The following IMMT variants were observed in gnomAD, a reference collection of about 807,000 sequenced individuals.
IMMT encodes MICOS complex subunit MIC60.
Under a neutral mutation model 92.7 loss-of-function variants are expected in IMMT, and 40 were observed. The observed-to-expected ratio is 0.43, with a 90% CI of 0.34 to 0.56. IMMT has a LOEUF of 0.56. Among genes scored for constraint, IMMT ranks in the 20% least tolerant of loss-of-function variants. The probability of loss-of-function intolerance (pLI) is 0.03; values close to 1 mark genes in which losing one functional copy is unlikely to be tolerated. For synonymous variants in IMMT, 322 were observed against 336.1 expected, an observed-to-expected ratio of 0.96 and a Z score of 0.46; for missense variants, 831 against 912.1, an observed-to-expected ratio of 0.91 and a Z score of 1.14.
Position 86,144,150 on chromosome 2 carries a change from A to C in IMMT, c.*118T>G. 9.3e-7 allele frequency: 1 copy of C among 1,074,736 alleles called. No homozygotes were observed. The highest frequency in any genetic ancestry group is 1.3e-6 in the Non-Finnish European group (1 of 751,122). The allele number at this position is 1,074,736 out of a possible 1,614,324, so 66.6% of individuals were successfully genotyped here. A position where few individuals can be genotyped will look rare whatever the true frequency, so the allele number is the denominator to read the frequency against. On this transcript the variant is annotated 3_prime_UTR_variant, in exon 15 of 15. Coordinates refer to ENST00000410111, the MANE Select transcript of IMMT (RefSeq NM_006839.3). Reference sequence around the variant, plus strand: ...TGCAACAGGTGTTAACATTTAGAACAGTACTTGTAAACCTGCTCATTTCTA... The same window carrying C: ...TGCAACAGGTGTTAACATTTAGAACCGTACTTGTAAACCTGCTCATTTCTA...
chr2:86,171,561 G>GAACGAAA, intron 4 of IMMT: 1 of 514,260 alleles, frequency 1.9e-6, no homozygotes, highest in Non-Finnish European at 3.5e-6. Context: ...ACGAACAAAA[G>GAACGAAA]AAAGAAGTCT....
Position 86,144,193 on chromosome 2 carries a change from C to T in IMMT, c.*75G>A, listed in dbSNP as rs1363551912. On this transcript the variant is annotated 3_prime_UTR_variant, in exon 15 of 15. Transcript: ENST00000410111. ...CATTTCTAGACAAGTCCGGGACTCTCGCTGCGAACCCTTCATCTATCACTG... is the reference window on the plus strand; with the variant it reads ...CATTTCTAGACAAGTCCGGGACTCTTGCTGCGAACCCTTCATCTATCACTG... The T allele has an allele frequency of 6.5e-6, 10 of 1,526,774 alleles. No individual in the cohort carries two copies. The East Asian group carries it at 1.6e-4, about 24-fold the overall frequency. The allele number at this position is 1,526,774 out of a possible 1,614,324, so 94.6% of individuals were successfully genotyped here.
At chr2:86,153,531 T>C in intron 11 of IMMT, 29 bp downstream of exon 11, 1 of 1,373,826 alleles carries the variant, frequency 7.3e-7, no homozygotes, top group Non-Finnish European at 9.8e-7. Context: ...AACAAAAGAC[T>C]TTAAACATGA....
At chr2:86,171,767 G>A (rs933421609) in intron 4 of IMMT, among the ~76,000 whole-genome samples, 5 of 151,966 alleles carry the variant, frequency 3.3e-5, no homozygotes, top group South Asian at 2.1e-4. Context: ...GGTAGAAGAC[G>A]TGTGAGCAGG....
intron 1 of IMMT, among the ~76,000 whole-genome samples, chr2:86,194,504 G>C (rs1053651897): frequency 1.4e-4 from 22 of 152,178 alleles, no homozygotes; most frequent in African/African-American, 4.8e-4. Flanking sequence ...TAGGGATTCT[G>C]TTCAATTACT....
chr2:86,149,707 G>A (rs747901623), intron 12 of IMMT, among the ~76,000 whole-genome samples: 16 of 152,018 alleles, frequency 1.1e-4, no homozygotes, highest in South Asian at 4.2e-4. Context: ...GCAAAACCCC[G>A]TCTCTACTAA....
At position 86,164,052 on chromosome 2, in the gene IMMT, A is replaced by ATTTTTTTTTTTTT. The variant is rs540613367; in HGVS notation, c.793-1986_793-1974dup. Among the ~76,000 whole-genome samples, 53 of 63,058 alleles carry ATTTTTTTTTTTTT rather than the reference A, an allele frequency of 8.4e-4. 4 individuals are homozygous for ATTTTTTTTTTTTT. Among genetic ancestry groups the ATTTTTTTTTTTTT allele is most frequent in the South Asian group, 1.6e-3 (2 of 1,234 alleles). 41.4% of individuals were successfully genotyped at this position (63,058 alleles called of 152,430 possible). ...GTTTCAGTGAATTCCCACTTTAGTC[A>ATTTTTTTTTTTTT]TTTTTTTTTTTTTTTTTTTTTTGAG... On this transcript the variant is annotated intron_variant, in intron 7 of 14. Transcript: ENST00000410111.
chr2:86,166,757 G>C, intron 6 of IMMT, 113 bp from the exon 7 acceptor site: 1 of 1,024,830 alleles, frequency 9.8e-7, no homozygotes, highest in Non-Finnish European at 1.4e-6. Context: ...AATTTAAAAA[G>C]GAACAAAATA....
In IMMT at chr2:86,152,861, A is replaced by G. The variant is rs114151277; in HGVS notation, c.1177+699T>C. On this transcript the variant is annotated intron_variant, in intron 11 of 14. Coordinates refer to ENST00000410111, the MANE Select transcript of IMMT (RefSeq NM_006839.3). ...CAAAATATGGAATGTAGGAAATTCT[A>G]TATGACTAATGACTCAATTTCTTAA... 7.8e-3 allele frequency among the ~76,000 whole-genome samples: 1,187 copies of G among 152,344 alleles called. 20 individuals are homozygous for G. The highest frequency in any genetic ancestry group is 0.027 in the African/African-American group (1,116 of 41,590).
At chr2:86,167,270 C>T (rs1676760973) in intron 6 of IMMT, among the ~76,000 whole-genome samples, 1 of 143,198 alleles carries the variant, frequency 7.0e-6, no homozygotes, top group South Asian at 2.2e-4. Context: ...CTCCCGGGTT[C>T]ACGCCATTCT....
chr2:86,187,386 T>C (rs1558841727), intron 1 of IMMT, among the ~76,000 whole-genome samples: 1 of 152,260 alleles, frequency 6.6e-6, no homozygotes, highest in Non-Finnish European at 1.5e-5. Flanking sequence ...ATCACATATG[T>C]AGCTTGTACT....
chr2:86,179,312 C>T, intron 3 of IMMT, 121 bp downstream of exon 3: 4 of 744,366 alleles, frequency 5.4e-6, no homozygotes, highest in East Asian at 2.9e-5. Flanking sequence ...TTTTTGTATC[C>T]ACAGGAGGTC....
At chr2:86,190,327 A>C (rs1053442628) in intron 1 of IMMT, among the ~76,000 whole-genome samples, 1 of 152,350 alleles carries the variant, frequency 6.6e-6, no homozygotes, top group Middle Eastern at 3.4e-3. Context: ...GTTCAATCCT[A>C]AACTAGCTGG....
chr2:86,149,044 T>A, intron 12 of IMMT, among the ~76,000 whole-genome samples: 1 of 148,502 alleles, frequency 6.7e-6, no homozygotes, highest in South Asian at 2.1e-4. Context: ...TATTTCTACA[T>A]ATGACTGAGC....
Position 86,144,547 on chromosome 2 carries a change from C to G in IMMT, c.1998G>C (p.Leu666=). The part of the protein sequence containing the change: ...YQYFLSYLQS[L]LLFPPQQLKP... Reference sequence around the variant, plus strand: ...TCAGTTGCTGAGGTGGGAATAGGAGCAGGGACTGTAGGTAGGAGAGGAAGT... The same window carrying G: ...TCAGTTGCTGAGGTGGGAATAGGAGGAGGGACTGTAGGTAGGAGAGGAAGT... Residue 666 remains leucine, a synonymous_variant, in exon 15 of 15, where the codon CTG becomes CTC. Transcript: ENST00000410111. 6.2e-7 allele frequency: 1 copy of G among 1,614,002 alleles called. No homozygotes were observed. Among genetic ancestry groups the G allele is most frequent in the Non-Finnish European group, 8.5e-7 (1 of 1,179,896 alleles).
At chr2:86,151,186 G>T in intron 12 of IMMT, 111 bp downstream of exon 12, 1 of 924,452 alleles carries the variant, frequency 1.1e-6, no homozygotes, top group South Asian at 1.5e-5. Flanking sequence ...CCAAAGTGCC[G>T]CGATTACAGG....
chr2:86,146,287 CAA>C (rs764335275), intron 13 of IMMT, 90 bp from the exon 14 acceptor site: 38 of 1,113,280 alleles, frequency 3.4e-5, no homozygotes, highest in African/African-American at 7.7e-5. Flanking sequence ...CTTGCTGAAG[CAA>C]AGAGGGCCTT....
chr2:86,167,095 C>CAA (rs564283707), intron 6 of IMMT, among the ~76,000 whole-genome samples: 13 of 103,154 alleles, frequency 1.3e-4, no homozygotes, highest in Non-Finnish European at 2.4e-4. Context: ...GAGACTCTCT[C>CAA]AAAAAAAAAA....
chr2:86,180,513 T>C (rs573556697), intron 2 of IMMT, among the ~76,000 whole-genome samples: 2 of 150,910 alleles, frequency 1.3e-5, no homozygotes, highest in East Asian at 4.0e-4. Flanking sequence ...TGATCTGCCC[T>C]CCTCGGCCTC....
Sources: gnomAD v4.1 joint callset for allele counts (sites outside exome capture counted in the v4.1 genomes callset) on GRCh38, gnomAD v4.1.1 for gene constraint, MANE v1.5 for transcripts, NCBI Gene and HGNC (gene_info 2026-07-23, HGNC 2026-07-21) for gene names.